Variants in MB21D2 observed in about 807,000 individuals in gnomAD.
MB21D2 encodes the protein nucleotidyltransferase MB21D2.
In MB21D2, 9 loss-of-function variants were observed where a neutral mutation model predicts 33.3. The ratio of observed to expected loss-of-function variants is 0.27; its 90% CI spans 0.16 to 0.47. The LOEUF (loss-of-function observed/expected upper bound fraction) is 0.47, where lower values mean the gene tolerates loss of function less well. Ranked by LOEUF, MB21D2 falls within the 20% of genes least tolerant of loss-of-function variation. The pLI is 0.99. For synonymous variants in MB21D2, 241 were observed against 236.3 expected, an observed-to-expected ratio of 1.02 and a Z score of -0.18; for missense variants, 540 against 624.6, an observed-to-expected ratio of 0.86 and a Z score of 1.44.
chr3:192,893,981 G>T (rs1713911450), intron 1 of MB21D2, among the ~76,000 whole-genome samples: 1 of 152,098 alleles, frequency 6.6e-6, no homozygotes, highest in Non-Finnish European at 1.5e-5. Context: ...GGCTGCCTGA[G>T]CTATGATTGT....
At chr3:192,849,920 TTC>T (rs1341457204) in intron 1 of MB21D2, among the ~76,000 whole-genome samples, 1 of 129,550 alleles carries the variant, frequency 7.7e-6, no homozygotes, top group African/African-American at 3.1e-5. Context: ...TATAAAAATT[TTC>T]TTTTTTTTTT....
chr3:192,798,060 C>T lies in MB21D2; in HGVS notation c.*326G>A, dbSNP rs1720559286. On this transcript the variant is annotated 3_prime_UTR_variant, in exon 2 of 2. Transcript: ENST00000392452. This position sits in a 1 kb window ranked among gnomAD's most constrained non-coding sequence, Gnocchi z 4.8. Reference sequence around the variant, plus strand: ...TTCCCCATACCCATGAACAAATTTGCACCAAGTATGAAACAGAAAAAAGCA... The same window carrying T: ...TTCCCCATACCCATGAACAAATTTGTACCAAGTATGAAACAGAAAAAAGCA... 1 of 222,308 alleles carries T rather than the reference C, an allele frequency of 4.5e-6. No homozygotes were observed. The highest frequency in any genetic ancestry group is 8.9e-6 in the Non-Finnish European group (1 of 111,778). The allele number at this position is 222,308 out of a possible 1,614,324, so 13.8% of individuals were successfully genotyped here.
chr3:192,908,385 A>G (rs956798705), intron 1 of MB21D2, among the ~76,000 whole-genome samples: 1 of 149,970 alleles, frequency 6.7e-6, no homozygotes, highest in African/African-American at 2.5e-5. Flanking sequence ...AACACAGGAA[A>G]GGTAAATTTT....
intron 1 of MB21D2, among the ~76,000 whole-genome samples, chr3:192,867,659 C>T (rs2108636146): frequency 1.3e-5 from 2 of 152,278 alleles, no homozygotes; most frequent in East Asian, 1.9e-4. Context: ...TGAAAGATGG[C>T]TGCATGCATA....
At chr3:192,828,159 G>T (rs1291377413) in intron 1 of MB21D2, among the ~76,000 whole-genome samples, 1 of 151,996 alleles carries the variant, frequency 6.6e-6, no homozygotes, top group Non-Finnish European at 1.5e-5. Flanking sequence ...CCAGTTTTGG[G>T]TATGTCTTTA....
intron 1 of MB21D2, among the ~76,000 whole-genome samples, chr3:192,911,021 A>G (rs6766189): frequency 0.042 from 6,360 of 152,316 alleles, 398 homozygotes; most frequent in African/African-American, 0.14. Flanking sequence ...ACTGAGGCTT[A>G]AAGTCTGAGT....
At chr3:192,884,588 T>C (rs28582410) in intron 1 of MB21D2, among the ~76,000 whole-genome samples, 17,920 of 151,658 alleles carry the variant, frequency 0.12, 1,168 homozygotes, top group African/African-American at 0.17. Flanking sequence ...AGGATGGTCT[T>C]GATCTCCTGA....
At chr3:192,802,695 G>A (rs1711584184) in intron 1 of MB21D2, among the ~76,000 whole-genome samples, 1 of 152,122 alleles carries the variant, frequency 6.6e-6, no homozygotes, top group Admixed American at 6.5e-5. Context: ...TCCAGATTAG[G>A]TTGTGAAAAT....
intron 1 of MB21D2, among the ~76,000 whole-genome samples, chr3:192,835,910 A>G (rs958925014): frequency 1.3e-5 from 2 of 151,978 alleles, no homozygotes; most frequent in South Asian, 4.1e-4. Flanking sequence ...TATTTTCAGA[A>G]TGTTCTTAGC....
intron 1 of MB21D2, among the ~76,000 whole-genome samples, chr3:192,887,549 C>T (rs1218014689): frequency 2.6e-5 from 4 of 151,960 alleles, no homozygotes; most frequent in African/African-American, 9.7e-5. Context: ...ATAAATTATA[C>T]GTCTAGGTTT....
intron 1 of MB21D2, among the ~76,000 whole-genome samples, chr3:192,842,458 C>T (rs1712594641): frequency 1.3e-5 from 2 of 152,136 alleles, no homozygotes; most frequent in Admixed American, 6.5e-5. Flanking sequence ...AAAATTAATG[C>T]CATAAATATT....
At chr3:192,894,550 G>A (rs1035042720) in intron 1 of MB21D2, among the ~76,000 whole-genome samples, 2 of 152,224 alleles carry the variant, frequency 1.3e-5, no homozygotes, top group African/African-American at 4.8e-5. Flanking sequence ...ATTTTAATAG[G>A]GAGGCAACAG....
chr3:192,854,128 G>T (rs113865724), intron 1 of MB21D2, among the ~76,000 whole-genome samples: 2,676 of 152,318 alleles, frequency 0.018, 77 homozygotes, highest in African/African-American at 0.06. Flanking sequence ...AGACAGAAAT[G>T]GTTAAGCTTA....
At chr3:192,804,385 G>A (rs1276072144) in intron 1 of MB21D2, among the ~76,000 whole-genome samples, 4 of 150,410 alleles carry the variant, frequency 2.7e-5, no homozygotes, top group Non-Finnish European at 5.9e-5. Flanking sequence ...TACTAAGTAG[G>A]TAAGTCAAAA....
rs932757940 is a variant in MB21D2, at chr3:192,799,328, G to C, written c.534C>G (p.Phe178Leu). 4 of 1,614,130 alleles carry C rather than the reference G, an allele frequency of 2.5e-6. No individual in the cohort carries two copies. The African/African-American group carries it at 5.3e-5, about 22-fold the overall frequency. The change falls in exon 2 of 2, where the codon TTC becomes TTG. Residue 178 changes from phenylalanine (F) to leucine (L), a missense_variant. Transcript: ENST00000392452. This position sits in a 1 kb window ranked among gnomAD's most constrained non-coding sequence, Gnocchi z 4.1. ...VDHINGATNY[F>L]FSPTKVADWF... ...AGTCAGCCACTTTGGTAGGTGAGAA[G>C]AAGTAGTTGGTGGCACCATTGATGT... is the stretch of plus-strand genomic sequence containing the variant.
chr3:192,885,404 T>A (rs1713709337), intron 1 of MB21D2, among the ~76,000 whole-genome samples: 1 of 152,082 alleles, frequency 6.6e-6, no homozygotes, highest in Non-Finnish European at 1.5e-5. Flanking sequence ...GTTTCAGTCC[T>A]CTACTCATGA....
At chr3:192,825,157 G>A (rs1191514478) in intron 1 of MB21D2, among the ~76,000 whole-genome samples, 2 of 152,142 alleles carry the variant, frequency 1.3e-5, no homozygotes, top group African/African-American at 4.8e-5. Flanking sequence ...CTACTTTATT[G>A]TTTGGAGACA....
chr3:192,842,643 A>G (rs554723935), intron 1 of MB21D2, among the ~76,000 whole-genome samples: 1 of 152,374 alleles, frequency 6.6e-6, no homozygotes, highest in Non-Finnish European at 1.5e-5. Context: ...TTCAAAAAAT[A>G]ATCCTTTATA....
At chr3:192,844,330 C>G (rs978926435) in intron 1 of MB21D2, among the ~76,000 whole-genome samples, 2 of 152,166 alleles carry the variant, frequency 1.3e-5, no homozygotes, top group African/African-American at 4.8e-5. Context: ...TTAGTTGGTG[C>G]TCATGTGAAT....
Sources: gnomAD v4.1 joint callset for allele counts (sites outside exome capture counted in the v4.1 genomes callset) on GRCh38, gnomAD v4.1.1 for gene constraint, Gnocchi (gnomAD v3.1) non-coding constraint, MANE v1.5 for transcripts, NCBI Gene and HGNC (gene_info 2026-07-23, HGNC 2026-07-21) for gene names.